The following DLGAP4 variants were observed in gnomAD, a reference collection of about 807,000 sequenced individuals.
DLGAP4 encodes DLG associated protein 4.
DLGAP4 carries 18 observed loss-of-function variants against 86.9 expected under a neutral mutation model. The observed-to-expected ratio is 0.21, with a 90% CI of 0.14 to 0.31. The LOEUF is 0.31. DLGAP4 is among the 10% of genes least tolerant of loss of function. The pLI, the probability that DLGAP4 is intolerant of heterozygous loss-of-function variation, is 1.00. For missense variants in DLGAP4, 1,085 were observed against 1,362.6 expected, an observed-to-expected ratio of 0.80 and a Z score of 3.21; for synonymous variants, 548 against 574.3, an observed-to-expected ratio of 0.95 and a Z score of 0.65.
At chr20:36,447,641 G>A (rs1038125384) in intron 7 of DLGAP4, among the ~76,000 whole-genome samples, 2 of 152,104 alleles carry the variant, frequency 1.3e-5, no homozygotes, top group African/African-American at 4.8e-5. Flanking sequence ...GGCTGGTCGT[G>A]AACTTCTGAC....
intron 2 of DLGAP4, among the ~76,000 whole-genome samples, chr20:36,408,405 A>G (rs1208523541): frequency 6.6e-6 from 1 of 152,164 alleles, no homozygotes; most frequent in African/African-American, 2.4e-5. Flanking sequence ...ATGTTTATCC[A>G]CCAGCTCCCC....
chr20:36,467,064 C>CTCTCTCTCTCTCTCTCT lies in DLGAP4; in HGVS notation c.1648+20127_1648+20128insTCTCTCTCTCTCTCTCT, dbSNP rs1555907464. Among the ~76,000 whole-genome samples, 84 of 118,146 alleles carry CTCTCTCTCTCTCTCTCT rather than the reference C, an allele frequency of 7.1e-4. 11 individuals are homozygous for CTCTCTCTCTCTCTCTCT. The highest frequency in any genetic ancestry group is 3.7e-3 in the African/African-American group (76 of 20,588). The allele number at this position is 118,146 out of a possible 152,430, so 77.5% of individuals were successfully genotyped here. A position where few individuals can be genotyped will look rare whatever the true frequency, so the allele number is the denominator to read the frequency against. ...TCTCTCTCTCTCTCTCTCTCTCTCT[C>CTCTCTCTCTCTCTCTCT]CCCCCCCCTTCTCTCGGCCCTGCCT... is the stretch of plus-strand genomic sequence containing the variant. On this transcript the variant is annotated intron_variant, in intron 7 of 12. Transcript: ENST00000339266.
chr20:36,453,299 T>A (rs980244915), intron 7 of DLGAP4, among the ~76,000 whole-genome samples: 31 of 151,928 alleles, frequency 2.0e-4, no homozygotes, highest in South Asian at 2.1e-4. Flanking sequence ...CTACAAAAAA[T>A]TTTTTTTTAG....
intron 2 of DLGAP4, among the ~76,000 whole-genome samples, chr20:36,376,060 G>A (rs1488036617): frequency 2.0e-5 from 3 of 152,020 alleles, no homozygotes; most frequent in East Asian, 2.0e-4. Flanking sequence ...GTTCAGTGGC[G>A]TGATCAGGGC....
intron 7 of DLGAP4, among the ~76,000 whole-genome samples, chr20:36,460,333 ACAGGC>A (rs1416100383): frequency 2.6e-4 from 39 of 152,010 alleles, no homozygotes; most frequent in Middle Eastern, 3.4e-3. Flanking sequence ...AGTGAATAGT[ACAGGC>A]GTAGCATAAG....
intron 7 of DLGAP4, among the ~76,000 whole-genome samples, chr20:36,468,732 G>A (rs889611056): frequency 3.3e-5 from 5 of 152,250 alleles, no homozygotes; most frequent in Non-Finnish European, 5.9e-5. Flanking sequence ...AACTGTAACC[G>A]TGTTCGTCAT....
intron 1 of DLGAP4, among the ~76,000 whole-genome samples, chr20:36,360,637 G>C (rs1478825070): frequency 6.6e-6 from 1 of 152,024 alleles, no homozygotes; most frequent in Non-Finnish European, 1.5e-5. Context: ...CTGGAAGGGT[G>C]GGGGGAGTAG....
intron 1 of DLGAP4, among the ~76,000 whole-genome samples, chr20:36,343,511 G>C (rs978337531): frequency 6.6e-6 from 1 of 152,068 alleles, no homozygotes; most frequent in Non-Finnish European, 1.5e-5. Context: ...TGGGAAGCTG[G>C]GTTTCTTAGT....
chr20:36,430,364 C>T (rs2033094631), intron 2 of DLGAP4, among the ~76,000 whole-genome samples: 1 of 152,172 alleles, frequency 6.6e-6, no homozygotes, highest in African/African-American at 2.4e-5. Context: ...AAGCCCTCAG[C>T]ACCTGCCCAG....
intron 2 of DLGAP4, among the ~76,000 whole-genome samples, chr20:36,368,776 C>T (rs1240084488): frequency 6.6e-6 from 1 of 152,222 alleles, no homozygotes; most frequent in Non-Finnish European, 1.5e-5. Context: ...GCAAGCATTT[C>T]TTGAGCAATT....
intron 1 of DLGAP4, among the ~76,000 whole-genome samples, chr20:36,312,712 T>C (rs1006948698): frequency 1.3e-5 from 2 of 152,116 alleles, no homozygotes; most frequent in Non-Finnish European, 2.9e-5. Context: ...AGAGGTGCTG[T>C]GCTGGTGGGG....
At chr20:36,343,808 C>T (rs560269501) in intron 1 of DLGAP4, among the ~76,000 whole-genome samples, 1 of 152,240 alleles carries the variant, frequency 6.6e-6, no homozygotes, top group Non-Finnish European at 1.5e-5. Context: ...CCACCCTCTC[C>T]CCGGTACTCA....
intron 6 of DLGAP4, among the ~76,000 whole-genome samples, chr20:36,444,061 G>A (rs548514885): frequency 6.6e-6 from 1 of 152,278 alleles, no homozygotes; most frequent in South Asian, 2.1e-4. Context: ...CCCAAAGCAA[G>A]ACCCCATGCC....
At chr20:36,368,464 G>A (rs6016538) in intron 2 of DLGAP4, among the ~76,000 whole-genome samples, 5,680 of 152,358 alleles carry the variant, frequency 0.037, 358 homozygotes, top group African/African-American at 0.13. Flanking sequence ...AAGTGCTTCT[G>A]TGAGAACAAG....
In DLGAP4 at chr20:36,512,731, G is replaced by A. The variant is rs756106258; in HGVS notation, c.2513-11519G>A. The A allele has an allele frequency of 1.3e-3, 191 of 152,392 alleles. 2 individuals carry two copies. Among genetic ancestry groups the A allele is most frequent in the Non-Finnish European group, 1.7e-3 (113 of 68,242 alleles). The allele number at this position is 152,392 out of a possible 1,614,324, so 9.4% of individuals were successfully genotyped here. A position where few individuals can be genotyped will look rare whatever the true frequency, so the allele number is the denominator to read the frequency against. ...GGTGACCTGTGAGCAGAAACCTGAAGAGAGGGAGAGAGGAAGTCTGTAGAG... is the reference window on the plus strand; with the variant it reads ...GGTGACCTGTGAGCAGAAACCTGAAAAGAGGGAGAGAGGAAGTCTGTAGAG... On this transcript the variant is annotated intron_variant, in intron 10 of 12. Transcript: ENST00000339266.
chr20:36,416,582 A>G (rs1277332854), intron 2 of DLGAP4, among the ~76,000 whole-genome samples: 1 of 152,214 alleles, frequency 6.6e-6, no homozygotes, highest in Non-Finnish European at 1.5e-5. Context: ...TCAGAGGGAC[A>G]CTTAGGTTAA....
rs2036038273 is a variant in DLGAP4, at chr20:36,499,469, G to A, written c.2011-119G>A. 3.7e-6 allele frequency: 5 copies of A among 1,355,996 alleles called. No individual in the cohort carries two copies. The Middle Eastern group carries it at 5.4e-4, about 145-fold the overall frequency. 84.0% of individuals were successfully genotyped at this position (1,355,996 alleles called of 1,614,324 possible). On this transcript the variant is annotated intron_variant, in intron 8 of 12. Transcript: ENST00000339266. ...TGCAGTGTCCGCATGCCTCGTGTCT[G>A]TCTGTCCACACGTCCGTTTGCGTCG...
At chr20:36,438,746 TC>T (rs1422256463) in intron 4 of DLGAP4, among the ~76,000 whole-genome samples, 1 of 136,550 alleles carries the variant, frequency 7.3e-6, no homozygotes, top group African/African-American at 2.7e-5. Flanking sequence ...TCTTGCTCTG[TC>T]GCCCAGGCTG....
intron 10 of DLGAP4, among the ~76,000 whole-genome samples, chr20:36,503,296 G>T (rs1162938477): frequency 6.6e-6 from 1 of 152,038 alleles, no homozygotes; most frequent in Non-Finnish European, 1.5e-5. Flanking sequence ...ATGGCACTTA[G>T]TGTATTCACA....
Sources: allele counts gnomAD v4.1 joint callset (sites outside exome capture counted in the v4.1 genomes callset), GRCh38; gene constraint gnomAD v4.1.1; transcripts MANE v1.5; gene names NCBI Gene and HGNC (gene_info 2026-07-23, HGNC 2026-07-21).